FREM2: variants seen among roughly 807,000 people sequenced by gnomAD.
FREM2 encodes FRAS1-related extracellular matrix protein 2.
Under a neutral mutation model 219.9 loss-of-function variants are expected in FREM2, and 119 were observed. That is an observed-to-expected ratio of 0.54 (90% CI 0.47 to 0.63). The LOEUF is 0.63. FREM2 is among the 30% of genes least tolerant of loss of function. The pLI, the probability that FREM2 is intolerant of heterozygous loss-of-function variation, is 0.00. For synonymous variants in FREM2, 1,562 were observed against 1,522.8 expected (o/e 1.03, Z -0.60); for missense variants, 4,030 against 3,993.6 (o/e 1.01, Z -0.25).
At chr13:38,724,806 A>C (rs980069128) in intron 2 of FREM2, among the ~76,000 whole-genome samples, 1 of 152,166 alleles carries the variant, frequency 6.6e-6, no homozygotes, top group Non-Finnish European at 1.5e-5. Context: ...AGTTACAGTC[A>C]AGTCCAGTGG....
At chr13:38,758,105 C>G (rs930927022) in intron 2 of FREM2, among the ~76,000 whole-genome samples, 2 of 152,162 alleles carry the variant, frequency 1.3e-5, no homozygotes, top group African/African-American at 4.8e-5. Context: ...TGTCATCCCT[C>G]GGTGCCTGAG....
At position 38,846,661 on chromosome 13, in the gene FREM2, C is replaced by G. The variant is rs200508468; in HGVS notation, c.6108C>G (p.Asp2036Glu). 1.2e-6 allele frequency: 2 copies of G among 1,613,694 alleles called. No individual in the cohort carries two copies. The highest frequency in any genetic ancestry group is 1.3e-5 in the African/African-American group (1 of 74,890). The change falls in exon 7 of 24, where the codon GAC (aspartate) becomes GAG (glutamate). Residue 2036 changes from aspartate (D) to glutamate (E), a missense_variant. Coordinates refer to ENST00000280481, the MANE Select transcript of FREM2 (RefSeq NM_207361.6). ...VEVQVWRTGT[D>E]LSKSSSVTVR... Reference sequence around the variant, plus strand: ...TGCAGGTGTGGAGAACGGGCACTGACCTGTCCAAGTCTTCTAGTGTCACAG... The same window carrying G: ...TGCAGGTGTGGAGAACGGGCACTGAGCTGTCCAAGTCTTCTAGTGTCACAG...
At chr13:38,814,322 G>A (rs558590571) in intron 6 of FREM2, among the ~76,000 whole-genome samples, 1 of 152,298 alleles carries the variant, frequency 6.6e-6, no homozygotes, top group Admixed American at 6.5e-5. Flanking sequence ...GGGCTTATTT[G>A]TGCCTGTCCT....
chr13:38,754,679 C>T (rs76759337), intron 2 of FREM2, among the ~76,000 whole-genome samples: 2,591 of 152,252 alleles, frequency 0.017, 26 homozygotes, highest in Middle Eastern at 0.027. Context: ...CTGTCCAGCT[C>T]TCCTCTGCAG....
At chr13:38,854,569 A>G (rs2137915091) in intron 11 of FREM2, among the ~76,000 whole-genome samples, 1 of 152,314 alleles carries the variant, frequency 6.6e-6, no homozygotes, top group East Asian at 1.9e-4. Context: ...TTAGAAACCC[A>G]GTTTTTAATG....
intron 2 of FREM2, among the ~76,000 whole-genome samples, chr13:38,749,718 T>C (rs1872650889): frequency 6.6e-6 from 1 of 152,034 alleles, no homozygotes; most frequent in Non-Finnish European, 1.5e-5. Flanking sequence ...CAAAACTATC[T>C]CCAGACATCG....
intron 10 of FREM2, 103 bp downstream of exon 10, chr13:38,851,211 T>C: frequency 8.9e-7 from 1 of 1,120,890 alleles, no homozygotes; most frequent in South Asian, 1.3e-5. Context: ...CTCCTCTGCT[T>C]TATGACTAGG....
intron 6 of FREM2, among the ~76,000 whole-genome samples, chr13:38,827,890 T>C (rs928038496): frequency 6.6e-6 from 1 of 152,178 alleles, no homozygotes; most frequent in South Asian, 2.1e-4. Flanking sequence ...TTCTACTCTC[T>C]AATATTTTTG....
At chr13:38,755,588 C>T (rs932264273) in intron 2 of FREM2, among the ~76,000 whole-genome samples, 1 of 152,166 alleles carries the variant, frequency 6.6e-6, no homozygotes, top group Non-Finnish European at 1.5e-5. Flanking sequence ...TCCCTACACT[C>T]AGATGATTAA....
chr13:38,705,390 T>C (rs1464047855), intron 2 of FREM2, among the ~76,000 whole-genome samples: 1 of 152,152 alleles, frequency 6.6e-6, no homozygotes, highest in Non-Finnish European at 1.5e-5. Flanking sequence ...AGGGAGGAAA[T>C]TAAGAGGACA....
intron 2 of FREM2, among the ~76,000 whole-genome samples, chr13:38,742,463 T>C (rs1037692392): frequency 1.3e-5 from 2 of 152,218 alleles, no homozygotes; most frequent in Non-Finnish European, 2.9e-5. Flanking sequence ...TATCGATTTT[T>C]GGGTCTTCCA....
chr13:38,803,659 T>G (rs1200817723), intron 6 of FREM2, among the ~76,000 whole-genome samples: 2 of 151,336 alleles, frequency 1.3e-5, no homozygotes, highest in African/African-American at 4.9e-5. Context: ...ACATTCAAAC[T>G]GAATCTATTC....
At chr13:38,880,243 G>A in intron 23 of FREM2, 41 bp from the exon 24 acceptor site, 1 of 1,589,800 alleles carries the variant, frequency 6.3e-7, no homozygotes, top group Non-Finnish European at 8.6e-7. Context: ...AGATTGACAT[G>A]GTATCTAGTA....
rs772413824 is a variant in FREM2, at chr13:38,784,549, G to A, written c.5768-8G>A. 6.2e-7 allele frequency: 1 copy of A among 1,613,972 alleles called. No homozygotes were observed. Among genetic ancestry groups the A allele is most frequent in the Non-Finnish European group, 8.5e-7 (1 of 1,179,920 alleles). On this transcript the variant is annotated splice_region_variant and splice_polypyrimidine_tract_variant and intron_variant, in intron 5 of 23. Transcript: ENST00000280481. ...CATAAAAATCTTTTGAATTCTCTCTGCTTCCAGGAACAGCAACTGGAACTG... is the reference window on the plus strand; with the variant it reads ...CATAAAAATCTTTTGAATTCTCTCTACTTCCAGGAACAGCAACTGGAACTG...
At chr13:38,794,021 A>G (rs1460194187) in intron 6 of FREM2, among the ~76,000 whole-genome samples, 1 of 152,210 alleles carries the variant, frequency 6.6e-6, no homozygotes, top group Non-Finnish European at 1.5e-5. Context: ...GGGATATCAA[A>G]TAGGCAACTG....
intron 2 of FREM2, among the ~76,000 whole-genome samples, chr13:38,725,886 G>A (rs1427654805): frequency 6.6e-6 from 1 of 152,200 alleles, no homozygotes; most frequent in Non-Finnish European, 1.5e-5. Context: ...TCAAGATGGC[G>A]ATGTCTGTGA....
At chr13:38,737,835 A>G (rs1343605570) in intron 2 of FREM2, among the ~76,000 whole-genome samples, 1 of 152,190 alleles carries the variant, frequency 6.6e-6, no homozygotes, top group African/African-American at 2.4e-5. Flanking sequence ...CTTTATCCTC[A>G]AGTCAATATG....
Position 38,882,054 on chromosome 13 carries a change from A to G in FREM2, c.*1267A>G, listed in dbSNP as rs1241765534. The G allele has an allele frequency of 6.6e-6, 1 of 152,240 alleles. No homozygotes were observed. Among genetic ancestry groups the G allele is most frequent in the East Asian group, 1.9e-4 (1 of 5,174 alleles). The allele number at this position is 152,240 out of a possible 1,614,324, so 9.4% of individuals were successfully genotyped here. On this transcript the variant is annotated 3_prime_UTR_variant, in exon 24 of 24. Coordinates refer to ENST00000280481, the MANE Select transcript of FREM2 (RefSeq NM_207361.6). ...AACTGGTACAATGTGGTCCCTCTCA[A>G]TATTTAAAAATATAATTTGTAACAG...
intron 18 of FREM2, among the ~76,000 whole-genome samples, chr13:38,875,414 G>A (rs961412409): frequency 6.6e-6 from 1 of 152,130 alleles, no homozygotes; most frequent in African/African-American, 2.4e-5. Flanking sequence ...ATGGAACTGA[G>A]CTACAAGAAA....
Sources: gnomAD v4.1 joint callset for allele counts (sites outside exome capture counted in the v4.1 genomes callset) on GRCh38, gnomAD v4.1.1 for gene constraint, MANE v1.5 for transcripts, NCBI Gene and HGNC (gene_info 2026-07-23, HGNC 2026-07-21) for gene names.